The following GATAD2A variants were observed in gnomAD, a reference collection of about 807,000 sequenced individuals.
GATAD2A encodes the protein transcriptional repressor p66-alpha.
In GATAD2A, 12 loss-of-function variants were observed where a neutral mutation model predicts 68.5. That is an observed-to-expected ratio of 0.18 (90% CI 0.11 to 0.28). The LOEUF (loss-of-function observed/expected upper bound fraction) is 0.28, where lower values mean the gene tolerates loss of function less well. Among genes scored for constraint, GATAD2A ranks in the 10% least tolerant of loss-of-function variants. The pLI is 1.00. For synonymous variants in GATAD2A, 410 were observed against 375.3 expected (o/e 1.09, Z -1.07); for missense variants, 755 against 868.5 (o/e 0.87, Z 1.64).
chr19:19,454,381 T>C (rs1268112610), intron 1 of GATAD2A, among the ~76,000 whole-genome samples: 1 of 151,304 alleles, frequency 6.6e-6, no homozygotes, highest in Non-Finnish European at 1.5e-5. Context: ...GTGGATCACC[T>C]GAGCTCAGGA....
chr19:19,501,958 C>T lies in GATAD2A; in HGVS notation c.1504-11C>T, dbSNP rs983511803. 33 of 1,612,646 alleles carry T rather than the reference C, an allele frequency of 2.0e-5. No homozygotes were observed. Among genetic ancestry groups the T allele is most frequent in the Non-Finnish European group, 2.7e-5 (32 of 1,178,694 alleles). On this transcript the variant is annotated splice_polypyrimidine_tract_variant and intron_variant, in intron 9 of 11. Transcript: ENST00000683918. ...CCGCACTGACTTTGCTTTCAACCCC[C>T]GTTTGTGTAGGTCATAAAACCCCGG...
At chr19:19,471,609 A>G (rs552809638) in intron 2 of GATAD2A, among the ~76,000 whole-genome samples, 1 of 152,204 alleles carries the variant, frequency 6.6e-6, no homozygotes, top group Non-Finnish European at 1.5e-5. Context: ...TGATTGCACA[A>G]ATTTACTGAA....
intron 1 of GATAD2A, among the ~76,000 whole-genome samples, chr19:19,442,586 C>G (rs1215483308): frequency 6.6e-6 from 1 of 152,078 alleles, no homozygotes; most frequent in Non-Finnish European, 1.5e-5. Flanking sequence ...CAAGATCGCG[C>G]CACTGCACTC....
intron 2 of GATAD2A, among the ~76,000 whole-genome samples, chr19:19,479,606 T>C (rs2058911982): frequency 6.6e-6 from 1 of 152,216 alleles, no homozygotes; most frequent in Non-Finnish European, 1.5e-5. Context: ...TGTCAGATGC[T>C]TTTCTCACAG....
intron 1 of GATAD2A, chr19:19,436,054 G>A (rs1256416905): frequency 1.4e-6 from 1 of 710,128 alleles, no homozygotes; most frequent in African/African-American, 1.8e-5. Flanking sequence ...AGGGGTTAGA[G>A]ACATTTTAGA....
chr19:19,463,732 C>G (rs2057651030), intron 1 of GATAD2A, among the ~76,000 whole-genome samples: 1 of 152,172 alleles, frequency 6.6e-6, no homozygotes, highest in African/African-American at 2.4e-5. Context: ...GAGCACAGAG[C>G]TGCTCTGGGC....
At chr19:19,392,079 C>CTTTTTTTTTTT (rs753791949) in intron 1 of GATAD2A, among the ~76,000 whole-genome samples, 1 of 107,066 alleles carries the variant, frequency 9.3e-6, no homozygotes, top group Non-Finnish European at 1.8e-5. Context: ...AGAGTTTTTC[C>CTTTTTTTTTTT]TTTTTTTTTT....
chr19:19,435,569 G>T (rs184508761), intron 1 of GATAD2A, among the ~76,000 whole-genome samples: 1 of 152,302 alleles, frequency 6.6e-6, no homozygotes, highest in African/African-American at 2.4e-5. Flanking sequence ...AAAACCCTGG[G>T]CTGGGCACGG....
rs2057795016 is a variant in GATAD2A, at chr19:19,465,479, A to G, written c.134A>G (p.Asp45Gly). The change falls in exon 2 of 12, where the codon GAC (aspartate) becomes GGC (glycine). Residue 45 changes from aspartate to glycine, a missense_variant. Coordinates refer to ENST00000683918, the MANE Select transcript of GATAD2A (RefSeq NM_001384528.1). ...LLASDLNTDGDMRVTPEPGAG... is the reference protein window; with the variant it reads ...LLASDLNTDGGMRVTPEPGAG... ...GCTTCAGATTTAAACACTGACGGAG[A>G]CATGAGGGTGACACCTGAGCCGGGA... The G allele has an allele frequency of 1.9e-6, 3 of 1,613,904 alleles. No individual in the cohort carries two copies. The highest frequency in any genetic ancestry group is 1.7e-6 in the Non-Finnish European group (2 of 1,179,878).
intron 2 of GATAD2A, among the ~76,000 whole-genome samples, chr19:19,476,260 T>A (rs890297136): frequency 1.3e-5 from 2 of 152,260 alleles, no homozygotes; most frequent in Admixed American, 6.5e-5. Flanking sequence ...ATCTGTAAGT[T>A]GAGCAGATTT....
At chr19:19,491,477 G>C (rs571891768) in intron 2 of GATAD2A, among the ~76,000 whole-genome samples, 38 of 152,330 alleles carry the variant, frequency 2.5e-4, no homozygotes, top group African/African-American at 8.2e-4. Flanking sequence ...TCATGTTGCA[G>C]TTTTGAGCTG....
intron 1 of GATAD2A, among the ~76,000 whole-genome samples, chr19:19,429,690 G>A (rs1332534925): frequency 6.6e-6 from 1 of 151,782 alleles, no homozygotes; most frequent in Non-Finnish European, 1.5e-5. Flanking sequence ...GGGCAGACCA[G>A]GGGCCTACAA....
intron 1 of GATAD2A, chr19:19,440,601 C>A: frequency 6.4e-6 from 1 of 155,354 alleles, no homozygotes; most frequent in South Asian, 1.8e-4. Flanking sequence ...ACATTGTCAC[C>A]TCCAGGAGAA....
At chr19:19,494,466 C>G (rs954606156) in intron 5 of GATAD2A, 83 bp downstream of exon 5, 19 of 845,764 alleles carry the variant, frequency 2.2e-5, no homozygotes, top group Non-Finnish European at 3.1e-5. Flanking sequence ...CCCAAACAGC[C>G]CTGGCCCAGG....
At chr19:19,474,254 A>G in intron 2 of GATAD2A, 1 of 704,410 alleles carries the variant, frequency 1.4e-6, no homozygotes, top group Non-Finnish European at 1.7e-6. Flanking sequence ...CAACCCCGAC[A>G]ACCACGTGAG....
intron 1 of GATAD2A, among the ~76,000 whole-genome samples, chr19:19,446,969 T>C (rs1435939688): frequency 6.6e-6 from 1 of 152,244 alleles, no homozygotes; most frequent in Non-Finnish European, 1.5e-5. Flanking sequence ...GTTCTGAAAG[T>C]ACTATTTCAA....
chr19:19,413,072 A>C (rs1011240519), intron 1 of GATAD2A, among the ~76,000 whole-genome samples: 1 of 151,996 alleles, frequency 6.6e-6, no homozygotes, highest in Admixed American at 6.6e-5. Context: ...GATATTTTCT[A>C]CTCCCAGTGG....
intron 1 of GATAD2A, among the ~76,000 whole-genome samples, chr19:19,414,836 CCTTTTTTTTTT>C (rs1000690229): frequency 3.1e-5 from 4 of 127,400 alleles, no homozygotes; most frequent in African/African-American, 1.5e-4. Flanking sequence ...CACCCTGCCC[CCTTTTTTTTTT>C]TTTTTTTTTT....
chr19:19,411,600 C>G (rs779544624), intron 1 of GATAD2A, among the ~76,000 whole-genome samples: 2 of 152,208 alleles, frequency 1.3e-5, no homozygotes, highest in Non-Finnish European at 2.9e-5. Flanking sequence ...TTGGACAGAT[C>G]TGGCTTTGTC....
Sources: allele counts gnomAD v4.1 joint callset (sites outside exome capture counted in the v4.1 genomes callset), GRCh38; gene constraint gnomAD v4.1.1; transcripts MANE v1.5; gene names NCBI Gene and HGNC (gene_info 2026-07-23, HGNC 2026-07-21).